The following TENM3 variants were observed in gnomAD, a reference collection of about 807,000 sequenced individuals.
TENM3 encodes teneurin transmembrane protein 3.
In TENM3, 63 loss-of-function variants were observed where a neutral mutation model predicts 255.1. That is an observed-to-expected ratio of 0.25 (90% CI 0.20 to 0.30). The LOEUF is 0.30. TENM3 is among the 10% of genes least tolerant of loss of function. The probability of loss-of-function intolerance (pLI) is 1.00; values close to 1 mark genes in which losing one functional copy is unlikely to be tolerated. For synonymous variants in TENM3, 1,306 were observed against 1,322.3 expected (o/e 0.99, Z 0.27); for missense variants, 2,929 against 3,461.1 (o/e 0.85, Z 3.86).
At chr4:182,605,825 C>T (rs1441590062) in intron 4 of TENM3, among the ~76,000 whole-genome samples, 2 of 152,260 alleles carry the variant, frequency 1.3e-5, no homozygotes, top group South Asian at 2.1e-4. Context: ...TTACTAAAGC[C>T]AGGACACTTG....
chr4:181,572,749 T>C, the TENM3 span, among the ~76,000 whole-genome samples: 2 of 152,230 alleles, frequency 1.3e-5, no homozygotes, highest in African/African-American at 4.8e-5. Context: ...ACATTCCAGT[T>C]ATACTCTTTT....
chr4:182,793,630 G>C lies in TENM3; in HGVS notation c.6958G>C (p.Ala2320Pro), dbSNP rs1456283364. 3 of 1,613,964 alleles carry C rather than the reference G, an allele frequency of 1.9e-6. No individual in the cohort carries two copies. Among genetic ancestry groups the C allele is most frequent in the Admixed American group, 1.7e-5 (1 of 60,026 alleles). Residue 2320 changes from alanine to proline, a missense_variant, in exon 26 of 28, where the codon GCA becomes CCA. Coordinates refer to ENST00000511685, the MANE Select transcript of TENM3 (RefSeq NM_001080477.4). This position sits in a 1 kb window ranked among gnomAD's most constrained non-coding sequence, Gnocchi z 5.7. ...GLMLKQIQYTAYGEIYFDSNI... is the reference protein window; with the variant it reads ...GLMLKQIQYTPYGEIYFDSNI... The stretch of plus-strand genomic sequence containing the variant: ...TATGCTGAAACAGATTCAGTACACT[G>C]CATATGGGGAAATCTATTTTGACTC...
At chr4:182,207,769 GA>G (rs1409329602) in intron 1 of TENM3, among the ~76,000 whole-genome samples, 1 of 152,156 alleles carries the variant, frequency 6.6e-6, no homozygotes, top group Non-Finnish European at 1.5e-5. Flanking sequence ...TAAAAATGCC[GA>G]TTTTCTGGAA....
chr4:182,498,858 A>AC, intron 3 of TENM3, among the ~76,000 whole-genome samples: 1 of 152,194 alleles, frequency 6.6e-6, no homozygotes, highest in South Asian at 2.1e-4. Flanking sequence ...TCCATCTAAA[A>AC]AAAAAAAAAA....
chr4:182,498,690 C>T (rs1736036662), intron 3 of TENM3, among the ~76,000 whole-genome samples: 1 of 151,872 alleles, frequency 6.6e-6, no homozygotes, highest in Non-Finnish European at 1.5e-5. Context: ...CCCGTCTCTA[C>T]TAAAAATACA....
chr4:182,336,715 GA>G (rs1191824119), intron 2 of TENM3, among the ~76,000 whole-genome samples: 2 of 152,144 alleles, frequency 1.3e-5, no homozygotes, highest in Non-Finnish European at 2.9e-5. Flanking sequence ...AGCCAGATAA[GA>G]ACATAGCATT....
the TENM3 span, among the ~76,000 whole-genome samples, chr4:182,023,067 A>G: frequency 6.6e-6 from 1 of 152,360 alleles, no homozygotes; most frequent in African/African-American, 2.4e-5. Flanking sequence ...TTGTTTAAGC[A>G]GTAATCTAGG....
At chr4:181,866,694 G>T in the TENM3 span, among the ~76,000 whole-genome samples, 2,732 of 152,174 alleles carry the variant, frequency 0.018, 46 homozygotes, top group Middle Eastern at 0.051. Context: ...ATCTATCCAA[G>T]TCAACAAACA....
chr4:182,004,984 G>A, the TENM3 span, among the ~76,000 whole-genome samples: 18 of 152,258 alleles, frequency 1.2e-4, no homozygotes, highest in African/African-American at 4.1e-4. Context: ...TGTCAGACGG[G>A]TAGATTGCAA....
At chr4:182,181,988 C>A (rs976446819) in intron 1 of TENM3, among the ~76,000 whole-genome samples, 6 of 151,596 alleles carry the variant, frequency 4.0e-5, no homozygotes, top group African/African-American at 7.3e-5. Flanking sequence ...TGAGCACATG[C>A]CCATATGTTC....
chr4:182,630,872 G>T (rs910048076), intron 5 of TENM3, among the ~76,000 whole-genome samples: 4 of 151,902 alleles, frequency 2.6e-5, no homozygotes, highest in Non-Finnish European at 5.9e-5. Flanking sequence ...ATTGATAAGT[G>T]CCTGTGTGCT....
chr4:182,205,504 C>T (rs1754494944), intron 1 of TENM3, among the ~76,000 whole-genome samples: 1 of 152,196 alleles, frequency 6.6e-6, no homozygotes, highest in Non-Finnish European at 1.5e-5. Flanking sequence ...AACGTATTTC[C>T]TCAGGGCCCC....
chr4:181,624,353 T>A, the TENM3 span, among the ~76,000 whole-genome samples: 15 of 152,190 alleles, frequency 9.9e-5, no homozygotes, highest in Non-Finnish European at 1.6e-4. Context: ...AACTCAAATT[T>A]CAATGGCCGA....
chr4:182,392,773 A>G (rs1768526608), intron 3 of TENM3, among the ~76,000 whole-genome samples: 1 of 152,164 alleles, frequency 6.6e-6, no homozygotes, highest in Non-Finnish European at 1.5e-5. Flanking sequence ...AGGGAAATTA[A>G]TTTCTTGAGG....
At chr4:182,472,727 A>ATT (rs11411559) in intron 3 of TENM3, among the ~76,000 whole-genome samples, 3 of 151,632 alleles carry the variant, frequency 2.0e-5, no homozygotes, top group Non-Finnish European at 4.4e-5. Context: ...TTATATCACA[A>ATT]TTTTTTTTTA....
the TENM3 span, among the ~76,000 whole-genome samples, chr4:182,094,851 A>C: frequency 6.6e-6 from 1 of 152,148 alleles, no homozygotes; most frequent in Non-Finnish European, 1.5e-5. Context: ...CGGAAATTAA[A>C]GTAAAAATCA....
At chr4:182,469,044 A>G (rs1732871514) in intron 3 of TENM3, among the ~76,000 whole-genome samples, 1 of 152,202 alleles carries the variant, frequency 6.6e-6, no homozygotes, top group Admixed American at 6.5e-5. Flanking sequence ...AGATGATTTT[A>G]GGATCTTTTT....
chr4:182,179,803 G>A (rs1378160000), intron 1 of TENM3, among the ~76,000 whole-genome samples: 1 of 152,146 alleles, frequency 6.6e-6, no homozygotes, highest in African/African-American at 2.4e-5. Context: ...TGAAATATAA[G>A]TCAAATTTAA....
At chr4:182,583,925 T>C (rs1688968176) in intron 3 of TENM3, among the ~76,000 whole-genome samples, 1 of 152,178 alleles carries the variant, frequency 6.6e-6, no homozygotes, top group African/African-American at 2.4e-5. Flanking sequence ...ATACTGTGTT[T>C]TACTAAAATA....
Sources: allele counts gnomAD v4.1 joint callset (sites outside exome capture counted in the v4.1 genomes callset), GRCh38; gene constraint gnomAD v4.1.1; non-coding constraint Gnocchi (gnomAD v3.1); transcripts MANE v1.5; gene names NCBI Gene and HGNC (gene_info 2026-07-23, HGNC 2026-07-21).